KLHL9: variants seen among roughly 807,000 people sequenced by gnomAD.
KLHL9 encodes the protein kelch-like protein 9.
KLHL9 carries 27 observed loss-of-function variants against 42.3 expected under a neutral mutation model. The observed-to-expected ratio is 0.64, with a 90% CI of 0.47 to 0.88. The LOEUF (loss-of-function observed/expected upper bound fraction) is 0.88. KLHL9 is among the 40% of genes least tolerant of loss of function. The pLI is 0.00. For missense variants in KLHL9, 629 were observed against 750.3 expected, an observed-to-expected ratio of 0.84 and a Z score of 1.89; for synonymous variants, 274 against 254.4, an observed-to-expected ratio of 1.08 and a Z score of -0.73.
At position 21,333,525 on chromosome 9, in the gene KLHL9, T is replaced by A; in HGVS notation, c.1335A>T (p.Gly445=). Residue 445 remains glycine (G), a synonymous_variant, in exon 1 of 1, where the codon GGA becomes GGT. Transcript: ENST00000359039. The surrounding 1 kb of genome is among the most constrained non-coding windows in gnomAD (Gnocchi z 7.5). ...PHYGHAGTVY[G]GLMYISGGIT... is the part of the protein sequence containing the mutation. ...TTCCTCCTGAAATATACATTAAGCCTCCATATACTGTTCCAGCATGACCAT... is the reference window on the plus strand; with the variant it reads ...TTCCTCCTGAAATATACATTAAGCCACCATATACTGTTCCAGCATGACCAT... 6.2e-7 allele frequency: 1 copy of A among 1,614,182 alleles called. No individual in the cohort carries two copies. Among genetic ancestry groups the A allele is most frequent in the Non-Finnish European group, 8.5e-7 (1 of 1,180,026 alleles).
chr9:21,335,182 G>A lies in KLHL9; in HGVS notation c.-323C>T, dbSNP rs559979124. ...GTTCCGCTTCGGGCAAGGAAGAGGCGCCGCCACGTACTGTGGCTCCACGGC... is the reference window on the plus strand; with the variant it reads ...GTTCCGCTTCGGGCAAGGAAGAGGCACCGCCACGTACTGTGGCTCCACGGC... On this transcript the variant is annotated 5_prime_UTR_variant, in exon 1 of 1. Coordinates refer to ENST00000359039, the MANE Select transcript of KLHL9 (RefSeq NM_018847.4). 1.1e-4 allele frequency: 57 copies of A among 514,168 alleles called. No homozygotes were observed. Among genetic ancestry groups the A allele is most frequent in the Non-Finnish European group, 1.9e-4 (53 of 285,366 alleles). 31.9% of individuals were successfully genotyped at this position (514,168 alleles called of 1,614,324 possible).
At position 21,333,683 on chromosome 9, in the gene KLHL9, G is replaced by A. The variant is rs772072891; in HGVS notation, c.1177C>T (p.His393Tyr). The change falls in exon 1 of 1, where the codon CAC becomes TAC. Residue 393 changes from histidine to tyrosine, a missense_variant. His to Tyr is a moderately conservative substitution (Grantham distance 83). Transcript: ENST00000359039. This position sits in a 1 kb window ranked among gnomAD's most constrained non-coding sequence, Gnocchi z 7.5. ...AAATGTCCTTTGAGGGCACTCAAGT[G>A]AAAGAATGTGCGCTTTTCATTTAAT... Reference protein sequence around the residue: ...ASLNEKRTFFHLSALKGHLYA... With the variant: ...ASLNEKRTFFYLSALKGHLYA... 3 of 1,614,216 alleles carry A rather than the reference G, an allele frequency of 1.9e-6. No homozygotes were observed. In the East Asian group the frequency reaches 6.7e-5, roughly 36 times the overall value.
Position 21,334,988 on chromosome 9 carries a change from C to A in KLHL9, c.-129G>T, listed in dbSNP as rs1167322104. ...CCTTATCAAGGGAAGGCAGTCACTG[C>A]GGCACCCCTCGGGCCACGCCAGTCA... On this transcript the variant is annotated 5_prime_UTR_variant, in exon 1 of 1. Coordinates refer to ENST00000359039, the MANE Select transcript of KLHL9 (RefSeq NM_018847.4). This position sits in a 1 kb window ranked among gnomAD's most constrained non-coding sequence, Gnocchi z 5.1. 2.2e-6 allele frequency: 3 copies of A among 1,352,398 alleles called. No homozygotes were observed. The highest frequency in any genetic ancestry group is 2.5e-5 in the East Asian group (1 of 40,312). 83.8% of individuals were successfully genotyped at this position (1,352,398 alleles called of 1,614,324 possible).
rs7872479 is a variant in KLHL9, at chr9:21,330,523, G to T, written c.*2483C>A. ...AAGTAAAAAAATGAGAGGCAGGGTG[G>T]GTGAAGCTGGAGGTGGGGGATGTAG... On this transcript the variant is annotated 3_prime_UTR_variant, in exon 1 of 1. Transcript: ENST00000359039. 39,948 of 151,992 alleles carry T rather than the reference G, an allele frequency of 0.26. 5,619 individuals carry two copies. Among genetic ancestry groups the T allele is most frequent in the East Asian group, 0.42 (2,141 of 5,158 alleles). The allele number at this position is 151,992 out of a possible 1,614,324, so 9.4% of individuals were successfully genotyped here.
In KLHL9 at chr9:21,334,086, A is replaced by C; in HGVS notation, c.774T>G (p.Asp258Glu). The C allele has an allele frequency of 1.2e-6, 2 of 1,614,204 alleles. No homozygotes were observed. Among genetic ancestry groups the C allele is most frequent in the Non-Finnish European group, 1.7e-6 (2 of 1,180,028 alleles). ...QDLINYVQTVDFMRTDNTCVN... is the reference protein window; with the variant it reads ...QDLINYVQTVEFMRTDNTCVN... Reference sequence around the variant, plus strand: ...CGCAGGTATTGTCTGTTCTCATGAAATCTACTGTCTGCACGTAATTGATGA... The same window carrying C: ...CGCAGGTATTGTCTGTTCTCATGAACTCTACTGTCTGCACGTAATTGATGA... The change falls in exon 1 of 1, where the codon GAT becomes GAG. Residue 258 changes from aspartate (D) to glutamate (E), a missense_variant. Asp to Glu is a conservative substitution (Grantham distance 45). Coordinates refer to ENST00000359039, the MANE Select transcript of KLHL9 (RefSeq NM_018847.4). The surrounding 1 kb of genome is among the most constrained non-coding windows in gnomAD (Gnocchi z 5.1).
rs1563853938 is a variant in KLHL9 at position 21,332,917 on chromosome 9, A to G, written c.*89T>C. 1 of 1,573,512 alleles carries G rather than the reference A, an allele frequency of 6.4e-7. No individual in the cohort carries two copies. Among genetic ancestry groups the G allele is most frequent in the Admixed American group, 1.8e-5 (1 of 54,618 alleles). On this transcript the variant is annotated 3_prime_UTR_variant, in exon 1 of 1. Transcript: ENST00000359039. ...ATAACATCAGTTACCTTTATATCTA[A>G]TAACTGTACCAATCACTGTAAGAAG...
chr9:21,332,998 C>A lies in KLHL9; in HGVS notation c.*8G>T, dbSNP rs749001440. ...CATGACGTACTGCAAAGGTGTTACA[C>A]CTTAGACCTAAGAATGATCTGAAGG... On this transcript the variant is annotated 3_prime_UTR_variant, in exon 1 of 1. Transcript: ENST00000359039. The A allele has an allele frequency of 6.2e-7, 1 of 1,614,048 alleles. No individual in the cohort carries two copies. The highest frequency in any genetic ancestry group is 1.1e-5 in the South Asian group (1 of 91,082).
In KLHL9 at chr9:21,332,101, T is replaced by C. The variant is rs1194023908; in HGVS notation, c.*905A>G. ...TTCTCTGAAACCTGAACTTTACCAATCTGTGTAAAAGTACTCTACAGAAAA... is the reference window on the plus strand; with the variant it reads ...TTCTCTGAAACCTGAACTTTACCAACCTGTGTAAAAGTACTCTACAGAAAA... On this transcript the variant is annotated 3_prime_UTR_variant, in exon 1 of 1. Transcript: ENST00000359039. The C allele has an allele frequency of 1.3e-5, 2 of 152,490 alleles. No homozygotes were observed. The highest frequency in any genetic ancestry group is 3.8e-4 in the East Asian group (2 of 5,196). The allele number at this position is 152,490 out of a possible 1,614,324, so 9.4% of individuals were successfully genotyped here. A position where few individuals can be genotyped will look rare whatever the true frequency, so the allele number is the denominator to read the frequency against.
Position 21,332,677 on chromosome 9 carries a change from C to T in KLHL9, c.*329G>A, listed in dbSNP as rs1820193983. On this transcript the variant is annotated 3_prime_UTR_variant, in exon 1 of 1. Transcript: ENST00000359039. ...TTAGTTTAGAGCGGCCTCCCTCTGA[C>T]ATTTTGGAGTCAAAGATGAAAACTC... The T allele has an allele frequency of 7.9e-6, 2 of 252,400 alleles. No individual in the cohort carries two copies. Among genetic ancestry groups the T allele is most frequent in the East Asian group, 8.6e-5 (1 of 11,628 alleles). 15.6% of individuals were successfully genotyped at this position (252,400 alleles called of 1,614,324 possible). A position where few individuals can be genotyped will look rare whatever the true frequency, so the allele number is the denominator to read the frequency against.
In KLHL9 at chr9:21,334,884, G is replaced by T. The variant is rs74517761; in HGVS notation, c.-25C>A. ...TGTGAAAGCTTTCCTCTTGCACAGAGATGCAAGCCGGATAAAGAAGTTATA... is the reference window on the plus strand; with the variant it reads ...TGTGAAAGCTTTCCTCTTGCACAGATATGCAAGCCGGATAAAGAAGTTATA... On this transcript the variant is annotated 5_prime_UTR_variant, in exon 1 of 1. Transcript: ENST00000359039. This position sits in a 1 kb window ranked among gnomAD's most constrained non-coding sequence, Gnocchi z 5.1. 1.3e-3 allele frequency: 2,149 copies of T among 1,613,792 alleles called. 13 individuals carry two copies. The highest frequency in any genetic ancestry group is 0.013 in the African/African-American group (980 of 75,048).
Position 21,334,967 on chromosome 9 carries a change from A to C in KLHL9, c.-108T>G. Reference sequence around the variant, plus strand: ...GAAAGAACAGAAAGCTCGTTTCCTTATCAAGGGAAGGCAGTCACTGCGGCA... The same window carrying C: ...GAAAGAACAGAAAGCTCGTTTCCTTCTCAAGGGAAGGCAGTCACTGCGGCA... On this transcript the variant is annotated 5_prime_UTR_variant, in exon 1 of 1. Transcript: ENST00000359039. The surrounding 1 kb of genome is among the most constrained non-coding windows in gnomAD (Gnocchi z 5.1). 1 of 1,513,214 alleles carries C rather than the reference A, an allele frequency of 6.6e-7. No homozygotes were observed. The highest frequency in any genetic ancestry group is 2.4e-5 in the East Asian group (1 of 42,260). The allele number at this position is 1,513,214 out of a possible 1,614,324, so 93.7% of individuals were successfully genotyped here.
In KLHL9 at chr9:21,333,005, C is replaced by A; in HGVS notation, c.*1G>T. 1 of 1,613,854 alleles carries A rather than the reference C, an allele frequency of 6.2e-7. No individual in the cohort carries two copies. Among genetic ancestry groups the A allele is most frequent in the Non-Finnish European group, 8.5e-7 (1 of 1,179,792 alleles). ...TACTGCAAAGGTGTTACACCTTAGA[C>A]CTAAGAATGATCTGAAGGTGCTGAA... On this transcript the variant is annotated 3_prime_UTR_variant, in exon 1 of 1. Transcript: ENST00000359039. The surrounding 1 kb of genome is among the most constrained non-coding windows in gnomAD (Gnocchi z 7.5).
rs780446762 is a variant in KLHL9 at position 21,331,786 on chromosome 9, C to G, written c.*1220G>C. The stretch of plus-strand genomic sequence containing the variant: ...TCTGAAGTTGGTCCTGTCTTTGAGA[C>G]ATGGCCAAAAGCACATTTTTCCTCA... On this transcript the variant is annotated 3_prime_UTR_variant, in exon 1 of 1. Transcript: ENST00000359039. 6.6e-6 allele frequency: 1 copy of G among 152,590 alleles called. No individual in the cohort carries two copies. Among genetic ancestry groups the G allele is most frequent in the Non-Finnish European group, 1.5e-5 (1 of 68,040 alleles). The allele number at this position is 152,590 out of a possible 1,614,324, so 9.5% of individuals were successfully genotyped here.
At position 21,329,893 on chromosome 9, in the gene KLHL9, A is replaced by T. The variant is rs1426929220; in HGVS notation, c.*3113T>A. The T allele has an allele frequency of 6.6e-6, 1 of 152,036 alleles. No homozygotes were observed. The highest frequency in any genetic ancestry group is 2.4e-5 in the African/African-American group (1 of 41,432). The allele number at this position is 152,036 out of a possible 1,614,324, so 9.4% of individuals were successfully genotyped here. Reference sequence around the variant, plus strand: ...ATATCAAAAAAGCTAACAAATGTTAATTTTTGAATACTTTCCGAAAAACTA... The same window carrying T: ...ATATCAAAAAAGCTAACAAATGTTATTTTTTGAATACTTTCCGAAAAACTA... On this transcript the variant is annotated 3_prime_UTR_variant, in exon 1 of 1. Coordinates refer to ENST00000359039, the MANE Select transcript of KLHL9 (RefSeq NM_018847.4).
At position 21,334,623 on chromosome 9, in the gene KLHL9, G is replaced by A. The variant is rs753288467; in HGVS notation, c.237C>T (p.Ala79=). Residue 79 remains alanine (A), a synonymous_variant, in exon 1 of 1, where the codon GCC becomes GCT. Transcript: ENST00000359039. This position sits in a 1 kb window ranked among gnomAD's most constrained non-coding sequence, Gnocchi z 5.1. ...MMASASDYFK[A]MFTGGMKEQD... is the part of the protein sequence containing the mutation. ...GTTCTTTCATTCCACCTGTGAACAT[G>A]GCTTTGAAATAATCACTAGCAGACG... The A allele has an allele frequency of 2.2e-5, 35 of 1,614,164 alleles. No individual in the cohort carries two copies. The highest frequency in any genetic ancestry group is 2.9e-5 in the Non-Finnish European group (34 of 1,180,024).
Position 21,335,236 on chromosome 9 carries a change from G to C in KLHL9, c.-377C>G. ...CTCGGCGGCGGGTCCGGACACCTCAGCGAACGGCCCGCTGCGCCCTCCGCT... is the reference window on the plus strand; with the variant it reads ...CTCGGCGGCGGGTCCGGACACCTCACCGAACGGCCCGCTGCGCCCTCCGCT... On this transcript the variant is annotated 5_prime_UTR_variant, in exon 1 of 1. Transcript: ENST00000359039. The C allele has an allele frequency of 6.2e-6, 3 of 487,050 alleles. No individual in the cohort carries two copies. Among genetic ancestry groups the C allele is most frequent in the Non-Finnish European group, 1.1e-5 (3 of 268,724 alleles). 30.2% of individuals were successfully genotyped at this position (487,050 alleles called of 1,614,324 possible).
In KLHL9 at chr9:21,334,068, A is replaced by T; in HGVS notation, c.792T>A (p.Asn264Lys). The part of the protein sequence containing the change: ...VQTVDFMRTD[N>K]TCVNLLLEAS... ...CTTCCAAAAGCAAATTCACGCAGGT[A>T]TTGTCTGTTCTCATGAAATCTACTG... Residue 264 changes from asparagine to lysine, a missense_variant, in exon 1 of 1, where the codon AAT becomes AAA. Transcript: ENST00000359039. The surrounding 1 kb of genome is among the most constrained non-coding windows in gnomAD (Gnocchi z 5.1). The T allele has an allele frequency of 6.2e-7, 1 of 1,614,184 alleles. No individual in the cohort carries two copies.
rs1458313633 is a variant in KLHL9 at position 21,335,391 on chromosome 9, A to C, written c.-532T>G. 4 of 326,970 alleles carry C rather than the reference A, an allele frequency of 1.2e-5. No homozygotes were observed. Among genetic ancestry groups the C allele is most frequent in the Non-Finnish European group, 2.3e-5 (4 of 171,976 alleles). The allele number at this position is 326,970 out of a possible 1,614,324, so 20.3% of individuals were successfully genotyped here. On this transcript the variant is annotated 5_prime_UTR_variant, in exon 1 of 1. Transcript: ENST00000359039. ...CGAGCCGCTCCTTCCGGAAAAGCCT[A>C]GTCCCAGGATACCACGGGGTGGGAG...
chr9:21,334,105 T>C lies in KLHL9; in HGVS notation c.755A>G (p.Asn252Ser), dbSNP rs748135862. ...FPLMTPQDLI[N>S]YVQTVDFMRT... ...CATGAAATCTACTGTCTGCACGTAA[T>C]TGATGAGATCCTGTGGTGTCATCAG... is the stretch of plus-strand genomic sequence containing the variant. Residue 252 changes from asparagine to serine, a missense_variant, in exon 1 of 1, where the codon AAT (asparagine) becomes AGT (serine). Physicochemically the swap from Asn to Ser is conservative, Grantham distance 46 (BLOSUM62 1). Transcript: ENST00000359039. The surrounding 1 kb of genome is among the most constrained non-coding windows in gnomAD (Gnocchi z 5.1). The C allele has an allele frequency of 7.4e-6, 12 of 1,614,196 alleles. No individual in the cohort carries two copies. Among genetic ancestry groups the C allele is most frequent in the Admixed American group, 1.7e-5 (1 of 60,032 alleles).
Sources: allele counts gnomAD v4.1 joint callset, GRCh38; gene constraint gnomAD v4.1.1; non-coding constraint Gnocchi (gnomAD v3.1); transcripts MANE v1.5; gene names NCBI Gene and HGNC (gene_info 2026-07-23, HGNC 2026-07-21).